Variants in ATOSA observed in about 807,000 individuals in gnomAD.
ATOSA encodes the protein atos homolog A, also known as atos homolog protein A.
At chr15:52,665,827 G>A in the ATOSA span, among the ~76,000 whole-genome samples, 1 of 152,038 alleles carries the variant, frequency 6.6e-6, no homozygotes, top group Admixed American at 6.5e-5. Flanking sequence ...AAAACATTAA[G>A]AAGTATAAAT....
At chr15:52,585,506 A>C in the ATOSA span, among the ~76,000 whole-genome samples, 1 of 152,184 alleles carries the variant, frequency 6.6e-6, no homozygotes, top group South Asian at 2.1e-4. Flanking sequence ...TTCCTATCTG[A>C]ACATTTCCCC....
chr15:52,594,979 T>C, the ATOSA span, among the ~76,000 whole-genome samples: 1 of 152,202 alleles, frequency 6.6e-6, no homozygotes, highest in East Asian at 1.9e-4. Context: ...TCTCCCAACA[T>C]ATACAGAGTC....
At chr15:52,693,686 C>T in the ATOSA span, among the ~76,000 whole-genome samples, 2 of 152,176 alleles carry the variant, frequency 1.3e-5, no homozygotes, top group African/African-American at 4.8e-5. Flanking sequence ...TCGGTCCTTC[C>T]TCAATCCATA....
chr15:52,609,697 G>GA, the ATOSA span: 1 of 1,613,684 alleles, frequency 6.2e-7, no homozygotes, highest in Non-Finnish European at 8.5e-7. Context: ...GAAAAGTTTT[G>GA]AATGGAGTGA....
chr15:52,657,989 G>A, the ATOSA span: 1 of 152,164 alleles, frequency 6.6e-6, no homozygotes, highest in South Asian at 2.1e-4. Context: ...ATTGTGGATT[G>A]CAGTCAAAAA....
At chr15:52,677,807 A>T in the ATOSA span, among the ~76,000 whole-genome samples, 1 of 152,226 alleles carries the variant, frequency 6.6e-6, no homozygotes, top group African/African-American at 2.4e-5. Flanking sequence ...GTGCTTCAGA[A>T]GCACTTTTGT....
the ATOSA span, among the ~76,000 whole-genome samples, chr15:52,684,503 C>T: frequency 5.3e-5 from 8 of 152,218 alleles, no homozygotes; most frequent in Non-Finnish European, 1.0e-4. Flanking sequence ...TGCCACTGTA[C>T]TCCAACCTAG....
the ATOSA span, among the ~76,000 whole-genome samples, chr15:52,708,150 T>C: frequency 1.3e-5 from 2 of 151,748 alleles, no homozygotes; most frequent in Non-Finnish European, 2.9e-5. Flanking sequence ...GGGAAGGAGG[T>C]TGGGCAAGGC....
At chr15:52,685,813 T>C in the ATOSA span, among the ~76,000 whole-genome samples, 1 of 152,164 alleles carries the variant, frequency 6.6e-6, no homozygotes, top group Non-Finnish European at 1.5e-5. Context: ...GGGCAAATTA[T>C]CCTTCTGCCT....
the ATOSA span, among the ~76,000 whole-genome samples, chr15:52,666,550 T>G: frequency 0.023 from 3,498 of 152,248 alleles, 113 homozygotes; most frequent in African/African-American, 0.072. Context: ...AGCAAAAAAC[T>G]TGACACTGGA....
chr15:52,682,764 G>T, the ATOSA span, among the ~76,000 whole-genome samples: 2 of 152,180 alleles, frequency 1.3e-5, no homozygotes, highest in Non-Finnish European at 2.9e-5. Context: ...AAAGAAAAAT[G>T]TACTTTTAGT....
the ATOSA span, among the ~76,000 whole-genome samples, chr15:52,623,857 G>A: frequency 6.6e-6 from 1 of 152,086 alleles, no homozygotes; most frequent in South Asian, 2.1e-4. Flanking sequence ...TAATACAACA[G>A]CCCTTTCTAG....
At chr15:52,636,255 T>C in the ATOSA span, among the ~76,000 whole-genome samples, 3 of 151,612 alleles carry the variant, frequency 2.0e-5, no homozygotes, top group South Asian at 4.2e-4. Context: ...GTAAGAGATA[T>C]CTGGAAAACC....
chr15:52,625,312 T>G, the ATOSA span, among the ~76,000 whole-genome samples: 1 of 152,042 alleles, frequency 6.6e-6, no homozygotes, highest in Non-Finnish European at 1.5e-5. Flanking sequence ...AAAGTTGACA[T>G]TAGTGACAAG....
At chr15:52,595,552 A>G in the ATOSA span, among the ~76,000 whole-genome samples, 1 of 152,028 alleles carries the variant, frequency 6.6e-6, no homozygotes, top group African/African-American at 2.4e-5. Context: ...AAGAAAAAAA[A>G]AAAAGGCACG....
At chr15:52,703,784 A>G in the ATOSA span, among the ~76,000 whole-genome samples, 6 of 152,190 alleles carry the variant, frequency 3.9e-5, no homozygotes, top group African/African-American at 1.4e-4. Context: ...TGGCACATGT[A>G]TAACTATGTA....
chr15:52,692,639 C>T, the ATOSA span, among the ~76,000 whole-genome samples: 1 of 152,072 alleles, frequency 6.6e-6, no homozygotes, highest in Non-Finnish European at 1.5e-5. Flanking sequence ...CAGGCATGAG[C>T]CACTGCACCC....
At chr15:52,619,631 G>A in the ATOSA span, among the ~76,000 whole-genome samples, 6 of 151,956 alleles carry the variant, frequency 3.9e-5, no homozygotes, top group African/African-American at 1.2e-4. Context: ...TCAGGGGTTC[G>A]AGACCAGCCT....
the ATOSA span, among the ~76,000 whole-genome samples, chr15:52,676,853 C>A: frequency 6.6e-6 from 1 of 152,140 alleles, no homozygotes; most frequent in African/African-American, 2.4e-5. Flanking sequence ...AATTACTAAC[C>A]TTGGTGCCAT....
Sources: allele counts gnomAD v4.1 joint callset (sites outside exome capture counted in the v4.1 genomes callset), GRCh38; gene constraint gnomAD v4.1.1; transcripts MANE v1.5; gene names NCBI Gene and HGNC (gene_info 2026-07-23, HGNC 2026-07-21).